TEX13C: variants seen among roughly 807,000 people sequenced by gnomAD.
The protein encoded by TEX13C is TEX13 family member C.
For missense variants in TEX13C, 480 were observed against 298.7 expected, an observed-to-expected ratio of 1.61 and a Z score of -4.47; for synonymous variants, 219 against 116.6, an observed-to-expected ratio of 1.88 and a Z score of -5.65.
At chrX:125,323,196 C>CA in exon 1 of TEX13C, 1 of 421,183 alleles carries the variant, frequency 2.4e-6, no homozygotes. Context: ...AACTTATTTA[C>CA]TTAACAGAAA....
At chrX:125,320,122 G>A in exon 1 of TEX13C, 1 of 473,918 alleles carries the variant, frequency 2.1e-6, no homozygotes, top group Non-Finnish European at 3.8e-6. Flanking sequence ...CAGCCGCCAT[G>A]GCGATGAACT....
exon 1 of TEX13C, chrX:125,320,835 C>T: frequency 1.9e-6 from 1 of 515,192 alleles, no homozygotes; most frequent in South Asian, 2.5e-5. Context: ...ATGCCTTCAC[C>T]AATGGGACTG....
exon 1 of TEX13C, chrX:125,323,551 A>C (rs1041570613): frequency 1.8e-5 from 2 of 112,443 alleles, no homozygotes; most frequent in African/African-American, 6.6e-5. Flanking sequence ...CCTTTTCCTG[A>C]AAATGCCATG....
chrX:125,323,423 A>G, exon 1 of TEX13C: 1 of 145,046 alleles, frequency 6.9e-6, no homozygotes, highest in Non-Finnish European at 1.3e-5. Flanking sequence ...CAACTTTTTC[A>G]GGTAGTAGAT....
rs750252946 is a variant in TEX13C, at chrX:125,322,460, C to G, written c.2341C>G (p.Pro781Ala). Residue 781 changes from proline (P) to alanine (A), a missense_variant, in exon 1 of 1, where the codon CCC becomes GCC. Pro to Ala is a conservative substitution (Grantham distance 27). Transcript: ENST00000632600. ...TAGCCTGAAGAAAGATCCAGTGGTG[C>G]CCCAGGGCACAGCTCCCCTGACGTT... The G allele has an allele frequency of 9.8e-6, 5 of 507,633 alleles. 1 individual carries two copies. The highest frequency in any genetic ancestry group is 7.5e-5 in the South Asian group (3 of 40,056). The allele number at this position is 507,633 out of a possible 1,213,427, so 41.8% of individuals were successfully genotyped here.
At chrX:125,321,730 C>T (rs1264639524) in exon 1 of TEX13C, 2 of 511,519 alleles carry the variant, frequency 3.9e-6, no homozygotes, top group African/African-American at 4.7e-5. Context: ...AGAAGATGGT[C>T]CCCCTGGGGG....
exon 1 of TEX13C, chrX:125,320,205 G>A (rs1420299877): frequency 3.9e-6 from 2 of 515,522 alleles, no homozygotes. Context: ...CTCAGGAACG[G>A]CGGCAGCCCA....
exon 1 of TEX13C, chrX:125,322,446 A>C (rs1245279555): frequency 4.4e-5 from 22 of 504,674 alleles, no homozygotes; most frequent in Non-Finnish European, 7.4e-5. Flanking sequence ...AGCCTGAAGA[A>C]AGATCCAGTG....
exon 1 of TEX13C, chrX:125,324,540 G>C (rs1295259258): frequency 9.0e-6 from 1 of 111,419 alleles, no homozygotes; most frequent in Non-Finnish European, 1.9e-5. Flanking sequence ...CTCCCGAGTG[G>C]CTGTGAGCCA....
chrX:125,320,258 G>A, exon 1 of TEX13C: 1 of 516,152 alleles, frequency 1.9e-6, no homozygotes, highest in South Asian at 2.5e-5. Context: ...GAACGAGGTA[G>A]AGGACCGGCT....
rs937325167 is a variant in TEX13C at position 125,320,329 on chromosome X, C to T, written c.210C>T (p.Ser70=). Residue 70 remains serine (S), a synonymous_variant, in exon 1 of 1, where the codon AGC becomes AGT. Transcript: ENST00000632600. ...CCATTAAGAGGGCCTGTACCTGGAG[C>T]GCTTTGGCGCTGAGTGTGCAAGTGG... The T allele has an allele frequency of 5.4e-5, 28 of 515,220 alleles. No homozygotes were observed. The Admixed American group carries it at 6.3e-4, about 12-fold the overall frequency. 42.5% of individuals were successfully genotyped at this position (515,220 alleles called of 1,213,427 possible).
At chrX:125,320,915 C>T (rs1479049468) in exon 1 of TEX13C, 1 of 514,040 alleles carries the variant, frequency 1.9e-6, no homozygotes, top group African/African-American at 2.3e-5. Flanking sequence ...ACAGATGCCT[C>T]CTGCAGGGAT....
In TEX13C at chrX:125,321,410, A is replaced by T. The variant is rs367608564; in HGVS notation, c.1291A>T (p.Met431Leu). The change falls in exon 1 of 1, where the codon ATG becomes TTG. Residue 431 changes from methionine to leucine, a missense_variant. Coordinates refer to ENST00000632600, the Ensembl canonical transcript of TEX13C. Reference sequence around the variant, plus strand: ...GAAAGATCCAGTGATGCCCCAGAAGATGGTCCCCCTGGGGGACAGCAACAG... The same window carrying T: ...GAAAGATCCAGTGATGCCCCAGAAGTTGGTCCCCCTGGGGGACAGCAACAG... The T allele has an allele frequency of 2.1e-5, 11 of 512,068 alleles. No individual in the cohort carries two copies. In the East Asian group the frequency reaches 2.5e-4, roughly 12 times the overall value. The allele number at this position is 512,068 out of a possible 1,213,427, so 42.2% of individuals were successfully genotyped here.
At chrX:125,321,762 A>G (rs1324131867) in exon 1 of TEX13C, 3 of 510,807 alleles carry the variant, frequency 5.9e-6, no homozygotes, top group Non-Finnish European at 1.0e-5. Context: ...CACAGCCTGA[A>G]GAAAGATCCA....
At chrX:125,320,241 G>C (rs747149792) in exon 1 of TEX13C, 1 of 516,004 alleles carries the variant, frequency 1.9e-6, no homozygotes, top group Admixed American at 2.6e-5. Context: ...TTCCGCTCGC[G>C]GCCGTGGAAC....
chrX:125,324,609 AG>A (rs1416834069), exon 1 of TEX13C: 1 of 111,735 alleles, frequency 8.9e-6, no homozygotes, highest in Non-Finnish European at 1.9e-5. Flanking sequence ...CATTGGTCTC[AG>A]GTGAGATAAA....
chrX:125,320,157 G>A (rs748431560), exon 1 of TEX13C: 140 of 497,937 alleles, frequency 2.8e-4, no homozygotes, highest in Admixed American at 8.8e-4. Flanking sequence ...AGCGGGTTCC[G>A]CCATGATGAT....
rs781588441 is a variant in TEX13C, at chrX:125,320,235, G to A, written c.116G>A (p.Arg39His). Reference sequence around the variant, plus strand: ...AGCCCAGCCTTTTACACGGCCTTCCGCTCGCGGCCGTGGAACGAGGTAGAG... The same window carrying A: ...AGCCCAGCCTTTTACACGGCCTTCCACTCGCGGCCGTGGAACGAGGTAGAG... The change falls in exon 1 of 1, where the codon CGC (arginine) becomes CAC (histidine). Residue 39 changes from arginine (R) to histidine (H), a missense_variant. Arg to His is a conservative substitution (Grantham distance 29). Coordinates refer to ENST00000632600, the Ensembl canonical transcript of TEX13C. 13 of 515,218 alleles carry A rather than the reference G, an allele frequency of 2.5e-5. No homozygotes were observed. The Middle Eastern group carries it at 9.4e-4, about 37-fold the overall frequency. The allele number at this position is 515,218 out of a possible 1,213,427, so 42.5% of individuals were successfully genotyped here.
exon 1 of TEX13C, chrX:125,324,197 G>A (rs1464355852): frequency 9.0e-6 from 1 of 111,166 alleles, no homozygotes; most frequent in African/African-American, 3.3e-5. Context: ...TTATTATCTA[G>A]TACACACAGC....
Sources: allele counts gnomAD v4.1 joint callset, GRCh38; gene constraint gnomAD v4.1.1; transcripts MANE v1.5; gene names NCBI Gene and HGNC (gene_info 2026-07-23, HGNC 2026-07-21).